The following SPATA6 variants were observed in gnomAD, a reference collection of about 807,000 sequenced individuals.
SPATA6 encodes the protein spermatogenesis associated 6, also known as spermatogenesis-associated protein 6.
Under a neutral mutation model 65.3 loss-of-function variants are expected in SPATA6, and 56 were observed. The observed-to-expected ratio is 0.86, with a 90% confidence interval of 0.69 to 1.07. The LOEUF (loss-of-function observed/expected upper bound fraction) is 1.07, where lower values mean the gene tolerates loss of function less well. Among genes scored for constraint, SPATA6 ranks in the 50% least tolerant of loss-of-function variants. The pLI is 0.00. For missense variants in SPATA6, 590 were observed against 594.8 expected (o/e 0.99, Z 0.08); for synonymous variants, 199 against 213.2 (o/e 0.93, Z 0.58).
chr1:48,416,310 A>G (rs1446429829), intron 3 of SPATA6, among the ~76,000 whole-genome samples: 1 of 152,180 alleles, frequency 6.6e-6, no homozygotes, highest in Non-Finnish European at 1.5e-5. Flanking sequence ...CTCAGAAACC[A>G]TTCAAGCAAG....
At chr1:48,325,306 C>T in intron 11 of SPATA6, 1 of 1,143,048 alleles carries the variant, frequency 8.7e-7, no homozygotes. Flanking sequence ...TGGGAGCCTG[C>T]TTCACTGTGT....
At chr1:48,406,631 T>C (rs1409653948) in intron 5 of SPATA6, among the ~76,000 whole-genome samples, 1 of 152,212 alleles carries the variant, frequency 6.6e-6, no homozygotes, top group African/African-American at 2.4e-5. Context: ...AAGATTCTGT[T>C]TTTATGGAGT....
chr1:48,285,983 A>G, the SPATA6 span, among the ~76,000 whole-genome samples: 6 of 152,090 alleles, frequency 3.9e-5, no homozygotes, highest in Non-Finnish European at 1.5e-5. Flanking sequence ...TTGACCATAT[A>G]TGCATGAGTT....
At chr1:48,413,079 A>T in intron 4 of SPATA6, 31 bp downstream of exon 4, 1 of 758,804 alleles carries the variant, frequency 1.3e-6, no homozygotes, top group Non-Finnish European at 1.8e-6. Flanking sequence ...ATGATATCTT[A>T]TATTGTATAT....
Position 48,298,680 on chromosome 1 carries a change from C to A in SPATA6, c.*33G>T. ...TCAAACATTTTCATTGAGAAATTGA[C>A]ACGGACACTAATGAGGTTTATCATG... On this transcript the variant is annotated 3_prime_UTR_variant, in exon 13 of 13. Coordinates refer to ENST00000371847, the MANE Select transcript of SPATA6 (RefSeq NM_019073.4). The A allele has an allele frequency of 6.4e-7, 1 of 1,551,758 alleles. No homozygotes were observed.
At chr1:48,301,614 C>A (rs1263263738) in intron 12 of SPATA6, among the ~76,000 whole-genome samples, 4 of 150,968 alleles carry the variant, frequency 2.6e-5, no homozygotes, top group African/African-American at 9.7e-5. Context: ...CATCACATAA[C>A]CTGACTTGAA....
chr1:48,265,824 T>G, the SPATA6 span, among the ~76,000 whole-genome samples: 2 of 152,144 alleles, frequency 1.3e-5, no homozygotes. Flanking sequence ...ACATAAATAA[T>G]CAAAAGCCTC....
At chr1:48,446,351 T>C (rs1656053126) in intron 3 of SPATA6, among the ~76,000 whole-genome samples, 1 of 152,162 alleles carries the variant, frequency 6.6e-6, no homozygotes, top group Non-Finnish European at 1.5e-5. Flanking sequence ...CGGGGAGGTA[T>C]TTCATCAGAA....
chr1:48,325,785 T>C, intron 11 of SPATA6: 1 of 452,920 alleles, frequency 2.2e-6, no homozygotes, highest in Non-Finnish European at 4.3e-6. Flanking sequence ...AATGAGACCC[T>C]GGAATCAGTC....
At chr1:48,351,609 T>G (rs751548742) in intron 11 of SPATA6, among the ~76,000 whole-genome samples, 1 of 152,122 alleles carries the variant, frequency 6.6e-6, no homozygotes, top group East Asian at 1.9e-4. Flanking sequence ...AAATTTATAC[T>G]GCATTTCTGC....
intron 11 of SPATA6, among the ~76,000 whole-genome samples, chr1:48,341,443 G>A (rs998963048): frequency 1.2e-4 from 19 of 152,108 alleles, no homozygotes; most frequent in African/African-American, 3.9e-4. Context: ...TACCCACGCC[G>A]TATACACTAC....
At position 48,412,565 on chromosome 1, in the gene SPATA6, T is replaced by C. The variant is rs528117856; in HGVS notation, c.280+545A>G. Among the ~76,000 whole-genome samples, 111 of 152,348 alleles carry C rather than the reference T, an allele frequency of 7.3e-4. No individual in the cohort carries two copies. In the Middle Eastern group the frequency reaches 0.017, roughly 23 times the overall value. The stretch of plus-strand genomic sequence containing the variant: ...TTTTGGTCTACTGACATTTTACACA[T>C]AGTAGATCAACAATAGAAATCTGAC... On this transcript the variant is annotated intron_variant, in intron 4 of 12. Transcript: ENST00000371847.
chr1:48,381,042 T>A lies in SPATA6; in HGVS notation c.909+4267A>T, dbSNP rs527585063. Among the ~76,000 whole-genome samples, 40 of 152,198 alleles carry A rather than the reference T, an allele frequency of 2.6e-4. 1 individual carries two copies. In the South Asian group the frequency reaches 7.7e-3, roughly 29 times the overall value. ...TCTCACAAGGAGCACACAACCTAGATCCCTCATATGCACAGCACAGTAGGG... is the reference window on the plus strand; with the variant it reads ...TCTCACAAGGAGCACACAACCTAGAACCCTCATATGCACAGCACAGTAGGG... On this transcript the variant is annotated intron_variant, in intron 9 of 12. Transcript: ENST00000371847.
chr1:48,308,986 A>T (rs1475803954), intron 11 of SPATA6, among the ~76,000 whole-genome samples: 1 of 152,114 alleles, frequency 6.6e-6, no homozygotes, highest in East Asian at 1.9e-4. Flanking sequence ...CCTGGGCTCA[A>T]GTGATTCTCC....
intron 11 of SPATA6, among the ~76,000 whole-genome samples, chr1:48,336,034 A>G (rs1646050410): frequency 6.6e-6 from 1 of 152,088 alleles, no homozygotes; most frequent in Non-Finnish European, 1.5e-5. Flanking sequence ...GAAAAAATGT[A>G]CAATATCACT....
At chr1:48,319,387 A>C (rs78544818) in intron 11 of SPATA6, among the ~76,000 whole-genome samples, 1,861 of 152,306 alleles carry the variant, frequency 0.012, 40 homozygotes, top group African/African-American at 0.042. Flanking sequence ...TACTCAGAAT[A>C]TATAAAGAGC....
chr1:48,290,033 A>G, the SPATA6 span, among the ~76,000 whole-genome samples: 1 of 152,206 alleles, frequency 6.6e-6, no homozygotes, highest in African/African-American at 2.4e-5. Context: ...AAGAGCGACT[A>G]CAAGACACAT....
intron 10 of SPATA6, among the ~76,000 whole-genome samples, chr1:48,358,736 G>C (rs1012829848): frequency 1.3e-5 from 2 of 152,022 alleles, no homozygotes; most frequent in Non-Finnish European, 2.9e-5. Flanking sequence ...CCACTATCCC[G>C]CAACAGGCAT....
chr1:48,355,764 T>C lies in SPATA6; in HGVS notation c.1100A>G (p.His367Arg). The C allele has an allele frequency of 6.2e-7, 1 of 1,610,750 alleles. No homozygotes were observed. Reference protein sequence around the residue: ...LNRASLRERFHSDWCSPSNCD... With the variant: ...LNRASLRERFRSDWCSPSNCD... ...GTTTGAAGGTGAACACCAATCAGAA[T>C]GAAATCTGTAGGCAAAAAATAAGTT... Residue 367 changes from histidine to arginine, a missense_variant, in exon 11 of 13, where the codon CAT becomes CGT. By Grantham distance (29) the His-to-Arg change is conservative. Coordinates refer to ENST00000371847, the MANE Select transcript of SPATA6 (RefSeq NM_019073.4).
Sources: gnomAD v4.1 joint callset for allele counts (sites outside exome capture counted in the v4.1 genomes callset) on GRCh38, gnomAD v4.1.1 for gene constraint, MANE v1.5 for transcripts, NCBI Gene and HGNC (gene_info 2026-07-23, HGNC 2026-07-21) for gene names.